The following RBPMS variants were observed in gnomAD, a reference collection of about 807,000 sequenced individuals.
RBPMS encodes RNA binding protein, mRNA processing factor.
RBPMS carries 7 observed loss-of-function variants against 26.8 expected under a neutral mutation model. That is an observed-to-expected ratio of 0.26 (90% CI 0.15 to 0.49). The LOEUF is 0.49. Ranked by LOEUF, RBPMS falls within the 20% of genes least tolerant of loss-of-function variation. The probability of loss-of-function intolerance (pLI) is 0.98; values close to 1 mark genes in which losing one functional copy is unlikely to be tolerated. For synonymous variants in RBPMS, 96 were observed against 93.3 expected, an observed-to-expected ratio of 1.03 and a Z score of -0.17; for missense variants, 186 against 250.0, an observed-to-expected ratio of 0.74 and a Z score of 1.73.
At chr8:30,520,294 G>A (rs1166547108) in intron 5 of RBPMS, among the ~76,000 whole-genome samples, 1 of 152,142 alleles carries the variant, frequency 6.6e-6, no homozygotes, top group East Asian at 1.9e-4. Flanking sequence ...CTAAGACATT[G>A]GTGCCTGGTA....
chr8:30,486,087 C>A (rs907628601), intron 4 of RBPMS, among the ~76,000 whole-genome samples: 2 of 152,176 alleles, frequency 1.3e-5, no homozygotes, highest in African/African-American at 2.4e-5. Context: ...TGGCTCACGA[C>A]TGTAAGCCCA....
chr8:30,514,679 G>GTTTTTTTTTTTTT (rs773827768), intron 5 of RBPMS, among the ~76,000 whole-genome samples: 2 of 13,558 alleles, frequency 1.5e-4, no homozygotes, highest in South Asian at 8.9e-3. Flanking sequence ...ACCATGCCGG[G>GTTTTTTTTTTTTT]CTTTTTTTTT....
intron 5 of RBPMS, among the ~76,000 whole-genome samples, chr8:30,509,814 T>A (rs1041278263): frequency 5.9e-5 from 9 of 151,984 alleles, no homozygotes; most frequent in South Asian, 4.1e-4. Context: ...GGCAAGACTT[T>A]CTATTTCATT....
intron 1 of RBPMS, among the ~76,000 whole-genome samples, chr8:30,418,140 G>A (rs774404590): frequency 3.3e-5 from 5 of 152,172 alleles, no homozygotes; most frequent in South Asian, 2.1e-4. Context: ...AGTGATGTGC[G>A]TTTAATTTTG....
intron 6 of RBPMS, chr8:30,556,736 A>C: frequency 1.0e-6 from 1 of 985,842 alleles, no homozygotes; most frequent in Non-Finnish European, 1.2e-6. Flanking sequence ...AGGCAGCTCC[A>C]ACTCTGCTCT....
At chr8:30,412,835 T>C (rs1292730013) in intron 1 of RBPMS, among the ~76,000 whole-genome samples, 1 of 152,220 alleles carries the variant, frequency 6.6e-6, no homozygotes, top group African/African-American at 2.4e-5. Flanking sequence ...CCAACAATAG[T>C]ATGTAAACAT....
At chr8:30,431,104 G>A (rs1811876242) in intron 1 of RBPMS, among the ~76,000 whole-genome samples, 1 of 152,206 alleles carries the variant, frequency 6.6e-6, no homozygotes, top group Admixed American at 6.5e-5. Flanking sequence ...GGGTTGCAGT[G>A]GGTTCACTGG....
At chr8:30,437,453 C>A (rs1177165459) in intron 1 of RBPMS, among the ~76,000 whole-genome samples, 5 of 149,244 alleles carry the variant, frequency 3.4e-5, no homozygotes, top group Non-Finnish European at 7.4e-5. Flanking sequence ...TTAGGAGTTC[C>A]AGACCAGCCT....
At chr8:30,420,862 A>AG (rs890404307) in intron 1 of RBPMS, among the ~76,000 whole-genome samples, 1 of 152,214 alleles carries the variant, frequency 6.6e-6, no homozygotes, top group Admixed American at 6.5e-5. Context: ...AAGGGTCATC[A>AG]GGGCAGAAGA....
intron 1 of RBPMS, among the ~76,000 whole-genome samples, chr8:30,459,602 A>G (rs1815660702): frequency 6.6e-6 from 1 of 152,138 alleles, no homozygotes; most frequent in African/African-American, 2.4e-5. Context: ...TGGAGTTGGA[A>G]TGGAACTTGG....
intron 6 of RBPMS, chr8:30,553,549 T>C (rs1826572119): frequency 6.6e-6 from 1 of 152,106 alleles, no homozygotes; most frequent in Admixed American, 6.6e-5. Context: ...GATCCTGAGG[T>C]CTGGAGCGAG....
chr8:30,491,593 A>AT (rs1819399472), intron 4 of RBPMS, among the ~76,000 whole-genome samples: 1 of 151,926 alleles, frequency 6.6e-6, no homozygotes, highest in East Asian at 1.9e-4. Context: ...TCTTCTCAAA[A>AT]TGGTTTTGGA....
intron 1 of RBPMS, among the ~76,000 whole-genome samples, chr8:30,390,736 T>C (rs1807698020): frequency 6.6e-6 from 1 of 152,204 alleles, no homozygotes; most frequent in South Asian, 2.1e-4. Context: ...TAACTCCTGG[T>C]TATTATTTTT....
intron 5 of RBPMS, among the ~76,000 whole-genome samples, chr8:30,513,406 G>A (rs987736921): frequency 1.3e-5 from 2 of 151,780 alleles, no homozygotes; most frequent in East Asian, 1.9e-4. Flanking sequence ...TGGCTAACAC[G>A]GTGAAACCCT....
At chr8:30,568,894 G>A (rs1021117463) in intron 8 of RBPMS, among the ~76,000 whole-genome samples, 1 of 152,184 alleles carries the variant, frequency 6.6e-6, no homozygotes, top group Non-Finnish European at 1.5e-5. Flanking sequence ...CCTTTCCCAT[G>A]CAAGGATCCC....
At chr8:30,450,697 G>C (rs10086981) in intron 1 of RBPMS, among the ~76,000 whole-genome samples, 37,334 of 146,382 alleles carry the variant, frequency 0.26, 4,952 homozygotes, top group East Asian at 0.44. Flanking sequence ...AACATAATTG[G>C]AGTTCTAAAA....
chr8:30,465,341 T>C (rs1378055082), intron 1 of RBPMS, among the ~76,000 whole-genome samples: 1 of 152,244 alleles, frequency 6.6e-6, no homozygotes, highest in Non-Finnish European at 1.5e-5. Flanking sequence ...TAAGGGAATT[T>C]CTTAATAATG....
At position 30,570,848 on chromosome 8, in the gene RBPMS, G is replaced by A. The variant is rs542008430; in HGVS notation, c.*323G>A. The A allele has an allele frequency of 6.6e-6, 1 of 152,508 alleles. No homozygotes were observed. The highest frequency in any genetic ancestry group is 2.4e-5 in the African/African-American group (1 of 41,574). The allele number at this position is 152,508 out of a possible 1,614,324, so 9.4% of individuals were successfully genotyped here. ...TATTTTCAAACGAAACGTAAGAGAA[G>A]TCAACAATAAAACCAAGAAAAGTGA... On this transcript the variant is annotated 3_prime_UTR_variant, in exon 9 of 9. Transcript: ENST00000397323.
chr8:30,558,574 C>G, intron 6 of RBPMS: 1 of 473,884 alleles, frequency 2.1e-6, no homozygotes, highest in Non-Finnish European at 3.9e-6. Context: ...TTCGCTGTGC[C>G]GGATCTTAGC....
Sources: allele counts gnomAD v4.1 joint callset (sites outside exome capture counted in the v4.1 genomes callset), GRCh38; gene constraint gnomAD v4.1.1; transcripts MANE v1.5; gene names NCBI Gene and HGNC (gene_info 2026-07-23, HGNC 2026-07-21).